OSBPL10: variants seen among roughly 807,000 people sequenced by gnomAD.
The protein encoded by OSBPL10 is oxysterol-binding protein-related protein 10.
Under a neutral mutation model 81.7 loss-of-function variants are expected in OSBPL10, and 49 were observed. That is an observed-to-expected ratio of 0.60 (90% CI 0.48 to 0.76). The LOEUF (loss-of-function observed/expected upper bound fraction) is 0.76. OSBPL10 is among the 30% of genes least tolerant of loss of function. The pLI, the probability that OSBPL10 is intolerant of heterozygous loss-of-function variation, is 0.00. For synonymous variants in OSBPL10, 419 were observed against 383.6 expected (o/e 1.09, Z -1.08); for missense variants, 923 against 987.8 (o/e 0.93, Z 0.88).
chr3:31,818,780 C>A (rs1699912426), intron 4 of OSBPL10, among the ~76,000 whole-genome samples: 3 of 105,760 alleles, frequency 2.8e-5, no homozygotes, highest in African/African-American at 9.5e-5. Context: ...CAAAGGGCTT[C>A]AAGGACAAGG....
chr3:31,737,021 A>G (rs1015105317), intron 5 of OSBPL10, among the ~76,000 whole-genome samples: 1 of 152,212 alleles, frequency 6.6e-6, no homozygotes, highest in African/African-American at 2.4e-5. Flanking sequence ...TTATCCAGAT[A>G]TGGCAACTTA....
chr3:31,842,786 G>A (rs761888072), intron 3 of OSBPL10, among the ~76,000 whole-genome samples: 19 of 152,110 alleles, frequency 1.2e-4, no homozygotes, highest in African/African-American at 1.2e-4. Flanking sequence ...TAAGTCTAAC[G>A]GATCAACTGG....
chr3:31,663,872 G>C (rs41285083), intron 11 of OSBPL10: 1 of 1,445,504 alleles, frequency 6.9e-7, no homozygotes, highest in South Asian at 1.5e-5. Flanking sequence ...GCTCAGTTCT[G>C]CCCTCCAGAA....
At chr3:31,716,745 A>G (rs1407198932) in intron 6 of OSBPL10, among the ~76,000 whole-genome samples, 1 of 152,238 alleles carries the variant, frequency 6.6e-6, no homozygotes, top group East Asian at 1.9e-4. Flanking sequence ...GAAGAAAATT[A>G]TATTCTTCAA....
intron 1 of OSBPL10, among the ~76,000 whole-genome samples, chr3:31,935,761 A>G (rs1697367761): frequency 6.6e-6 from 1 of 152,090 alleles, no homozygotes; most frequent in Non-Finnish European, 1.5e-5. Context: ...TGACCTTGTG[A>G]TCCACCCACC....
At chr3:31,737,241 A>C (rs942944548) in intron 5 of OSBPL10, among the ~76,000 whole-genome samples, 1 of 152,164 alleles carries the variant, frequency 6.6e-6, no homozygotes, top group East Asian at 1.9e-4. Flanking sequence ...AAAAGTGATC[A>C]TGGGTTTAGG....
intron 1 of OSBPL10, among the ~76,000 whole-genome samples, chr3:31,976,714 C>T (rs1232164110): frequency 1.3e-5 from 2 of 152,186 alleles, no homozygotes; most frequent in African/African-American, 2.4e-5. Context: ...ACCTCGGCCT[C>T]CCAAAGTGCT....
rs375093174 is a variant in OSBPL10 at position 31,699,524 on chromosome 3, C to G, written c.1245+2835G>C. Among the ~76,000 whole-genome samples the G allele has an allele frequency of 1.2e-4, 18 of 152,280 alleles. No homozygotes were observed. The East Asian group carries it at 3.3e-3, about 28-fold the overall frequency. ...TGAGGAAAGAGGGCAGACAAGGGTG[C>G]TTCTAGAGGCAGGACCAGCTACATG... On this transcript the variant is annotated intron_variant, in intron 7 of 11. Transcript: ENST00000396556.
intron 3 of OSBPL10, among the ~76,000 whole-genome samples, chr3:31,861,663 T>A (rs1055417873): frequency 6.6e-6 from 1 of 152,168 alleles, no homozygotes; most frequent in African/African-American, 2.4e-5. Flanking sequence ...CTTGGCAAGT[T>A]TGCACTGGTT....
intron 8 of OSBPL10, among the ~76,000 whole-genome samples, chr3:31,683,042 T>G (rs919731806): frequency 6.6e-6 from 1 of 152,226 alleles, no homozygotes; most frequent in Non-Finnish European, 1.5e-5. Context: ...GTAACACAGA[T>G]GCTTGAATTT....
intron 4 of OSBPL10, among the ~76,000 whole-genome samples, chr3:31,783,788 TTAAAAAAAAAAAA>T (rs1698767965): frequency 1.6e-4 from 3 of 18,908 alleles, no homozygotes; most frequent in Non-Finnish European, 2.0e-4. Context: ...AAGACTCCGA[TTAAAAAAAAAAAA>T]AAAAAAAAAA....
At chr3:31,745,346 ACTCT>A (rs1697488091) in intron 5 of OSBPL10, among the ~76,000 whole-genome samples, 2 of 152,194 alleles carry the variant, frequency 1.3e-5, no homozygotes, top group Admixed American at 1.3e-4. Context: ...TCTGCAACTT[ACTCT>A]TAAGTGGTTA....
At chr3:31,910,219 T>C in intron 1 of OSBPL10, among the ~76,000 whole-genome samples, 1 of 151,676 alleles carries the variant, frequency 6.6e-6, no homozygotes, top group Non-Finnish European at 1.5e-5. Flanking sequence ...TACCTTGTGA[T>C]CTGCCCGCCT....
chr3:31,833,057 C>T (rs760145184), intron 3 of OSBPL10, among the ~76,000 whole-genome samples: 3 of 152,150 alleles, frequency 2.0e-5, no homozygotes, highest in South Asian at 2.1e-4. Flanking sequence ...TAGGAAATAA[C>T]CATATAATAA....
At chr3:31,861,115 G>T (rs1701047877) in intron 3 of OSBPL10, among the ~76,000 whole-genome samples, 1 of 152,080 alleles carries the variant, frequency 6.6e-6, no homozygotes, top group Non-Finnish European at 1.5e-5. Context: ...TATTAGTTTA[G>T]AAATCACAGA....
intron 2 of OSBPL10, among the ~76,000 whole-genome samples, chr3:32,029,604 A>C (rs1254422444): frequency 2.0e-5 from 3 of 152,186 alleles, no homozygotes; most frequent in Non-Finnish European, 4.4e-5. Context: ...ATGAATCAAC[A>C]TCATGTTCTT....
At chr3:31,839,177 A>G (rs1321193473) in intron 3 of OSBPL10, among the ~76,000 whole-genome samples, 1 of 152,242 alleles carries the variant, frequency 6.6e-6, no homozygotes, top group African/African-American at 2.4e-5. Flanking sequence ...AATTTTAAAA[A>G]TATCAACACT....
At chr3:31,804,921 T>C (rs889084517) in intron 4 of OSBPL10, among the ~76,000 whole-genome samples, 1 of 152,246 alleles carries the variant, frequency 6.6e-6, no homozygotes, top group African/African-American at 2.4e-5. Flanking sequence ...TTGGTGGGAA[T>C]GATTTTAATT....
intron 3 of OSBPL10, among the ~76,000 whole-genome samples, chr3:31,836,947 CAT>C (rs1313132382): frequency 6.6e-6 from 1 of 152,182 alleles, no homozygotes; most frequent in Non-Finnish European, 1.5e-5. Flanking sequence ...AATCTCAAGA[CAT>C]AAGTCTAGGC....
Sources: allele counts gnomAD v4.1 joint callset (sites outside exome capture counted in the v4.1 genomes callset), GRCh38; gene constraint gnomAD v4.1.1; transcripts MANE v1.5; gene names NCBI Gene and HGNC (gene_info 2026-07-23, HGNC 2026-07-21).